Variants in PTPRN2 observed in about 807,000 individuals in gnomAD.
PTPRN2 encodes the protein protein tyrosine phosphatase receptor type N2.
In PTPRN2, 74 loss-of-function variants were observed where a neutral mutation model predicts 118.8. That is an observed-to-expected ratio of 0.62 (90% CI 0.52 to 0.76). The LOEUF is 0.76. Among genes scored for constraint, PTPRN2 ranks in the 30% least tolerant of loss-of-function variants. PTPRN2 has a pLI of 0.00. For missense variants in PTPRN2, 1,481 were observed against 1,394.4 expected, an observed-to-expected ratio of 1.06 and a Z score of -0.99; for synonymous variants, 641 against 608.0, an observed-to-expected ratio of 1.05 and a Z score of -0.80.
intron 11 of PTPRN2, among the ~76,000 whole-genome samples, chr7:158,073,050 A>G (rs1812061215): frequency 6.6e-6 from 1 of 152,114 alleles, no homozygotes; most frequent in African/African-American, 2.4e-5. Flanking sequence ...GACAGAGGGC[A>G]GTGGCTCGGC....
intron 1 of PTPRN2, among the ~76,000 whole-genome samples, chr7:158,491,570 ACCTCTGCCTCCCAGGTTCAAGCAATC>A (rs1260276147): frequency 6.6e-6 from 1 of 151,676 alleles, no homozygotes; most frequent in Non-Finnish European, 1.5e-5. Flanking sequence ...GCTCACTGCG[ACCTCTGCCTCCCAGGTTCAAGCAATC>A]CCCCTGCCTC....
At chr7:157,968,419 C>A (rs1248584394) in intron 11 of PTPRN2, among the ~76,000 whole-genome samples, 1 of 152,128 alleles carries the variant, frequency 6.6e-6, no homozygotes, top group African/African-American at 2.4e-5. Context: ...AGCCTTCCAT[C>A]AATCTGTTCA....
intron 3 of PTPRN2, among the ~76,000 whole-genome samples, chr7:158,235,710 A>T (rs963094205): frequency 6.6e-6 from 1 of 152,216 alleles, no homozygotes; most frequent in Non-Finnish European, 1.5e-5. Flanking sequence ...TAATGTATGT[A>T]TGTTTCAAAT....
chr7:157,720,727 C>T (rs1799186890), intron 12 of PTPRN2, among the ~76,000 whole-genome samples: 1 of 152,182 alleles, frequency 6.6e-6, no homozygotes, highest in African/African-American at 2.4e-5. Flanking sequence ...GGTGAGCGTG[C>T]CTCACTCTTT....
At chr7:158,091,130 A>T (rs528428249) in intron 10 of PTPRN2, among the ~76,000 whole-genome samples, 39 of 152,250 alleles carry the variant, frequency 2.6e-4, no homozygotes, top group Admixed American at 5.2e-4. Flanking sequence ...GTCGATACAT[A>T]ACACAGGCTT....
intron 12 of PTPRN2, among the ~76,000 whole-genome samples, chr7:157,735,170 G>A (rs887485107): frequency 6.6e-6 from 1 of 152,206 alleles, no homozygotes; most frequent in African/African-American, 2.4e-5. Context: ...TGGTTCGGCC[G>A]GCGAAGCTCC....
chr7:157,728,812 C>T (rs1406617466), intron 12 of PTPRN2, among the ~76,000 whole-genome samples: 2 of 152,348 alleles, frequency 1.3e-5, no homozygotes, highest in Non-Finnish European at 2.9e-5. Context: ...AATTCCCAAT[C>T]CCAGACCAGA....
intron 3 of PTPRN2, among the ~76,000 whole-genome samples, chr7:158,292,060 G>C (rs1053260325): frequency 2.0e-5 from 3 of 152,286 alleles, no homozygotes; most frequent in Middle Eastern, 6.8e-3. Context: ...TTTTAGTGAG[G>C]CTTAAGACAA....
rs79945402 is a variant in PTPRN2, at chr7:158,125,853, C to G, written c.1556+7824G>C. Among the ~76,000 whole-genome samples, 7 of 152,248 alleles carry G rather than the reference C, an allele frequency of 4.6e-5. No individual in the cohort carries two copies. The East Asian group carries it at 1.2e-3, about 25-fold the overall frequency. ...TTTCCTTTACTCTAACAAGGAAGGA[C>G]GAGCAGGAAGCATCAGTCCGGACCT... is the stretch of plus-strand genomic sequence containing the variant. On this transcript the variant is annotated intron_variant, in intron 9 of 22. Coordinates refer to ENST00000389418, the MANE Select transcript of PTPRN2 (RefSeq NM_002847.5).
rs910765911 is a variant in PTPRN2 at position 157,779,348 on chromosome 7, C to T, written c.1789-96411G>A. On this transcript the variant is annotated intron_variant, in intron 12 of 22. Coordinates refer to ENST00000389418, the MANE Select transcript of PTPRN2 (RefSeq NM_002847.5). This position sits in a 1 kb window ranked among gnomAD's most constrained non-coding sequence, Gnocchi z 4.7. ...CTGAGGTGAAAGGTCACGTGCTGGT[C>T]GCTTGTGCTGAGCAAGGCCTTGCTT... 1.5e-4 allele frequency among the ~76,000 whole-genome samples: 23 copies of T among 152,148 alleles called. No individual in the cohort carries two copies. In the East Asian group the frequency reaches 4.4e-3, roughly 29 times the overall value.
chr7:157,998,185 G>A (rs1003114569), intron 11 of PTPRN2, among the ~76,000 whole-genome samples: 3 of 152,010 alleles, frequency 2.0e-5, no homozygotes, highest in African/African-American at 7.3e-5. Flanking sequence ...GAGGCCCAGG[G>A]CCCGGGCTGC....
intron 21 of PTPRN2, among the ~76,000 whole-genome samples, chr7:157,558,098 G>GTTTTTTTTGTT (rs1554491517): frequency 7.2e-6 from 1 of 138,130 alleles, no homozygotes; most frequent in African/African-American, 2.7e-5. Context: ...AGGGGGGATT[G>GTTTTTTTTGTT]TTAAAAGGGA....
At chr7:158,347,906 T>C (rs879379431) in intron 2 of PTPRN2, among the ~76,000 whole-genome samples, 32 of 152,294 alleles carry the variant, frequency 2.1e-4, no homozygotes, top group Admixed American at 2.0e-3. Context: ...GGTTGTGGCA[T>C]TTGCTTGTCA....
chr7:158,251,765 C>T (rs1169127402), intron 3 of PTPRN2, among the ~76,000 whole-genome samples: 2 of 152,030 alleles, frequency 1.3e-5, no homozygotes, highest in African/African-American at 4.8e-5. Flanking sequence ...ATATGGTGCA[C>T]GTATGCATGT....
chr7:158,160,772 GT>G (rs528464791), intron 6 of PTPRN2, among the ~76,000 whole-genome samples: 23 of 152,140 alleles, frequency 1.5e-4, no homozygotes, highest in Non-Finnish European at 2.5e-4. Context: ...CATAAACACA[GT>G]TCATCTGCTC....
At chr7:158,098,303 C>CGGGG (rs547342541) in intron 10 of PTPRN2, among the ~76,000 whole-genome samples, 1 of 152,052 alleles carries the variant, frequency 6.6e-6, no homozygotes, top group Non-Finnish European at 1.5e-5. Context: ...GTGAGGCCAC[C>CGGGG]GGGGGGGCTC....
At position 158,570,174 on chromosome 7, in the gene PTPRN2, C is replaced by A. The variant is rs1827927061; in HGVS notation, c.112+17384G>T. ...ACCCCTGCAGGCCGACCTGGGCAGCCAGGCGGGGAGCGCGCAGCCACAGCC... is the reference window on the plus strand; with the variant it reads ...ACCCCTGCAGGCCGACCTGGGCAGCAAGGCGGGGAGCGCGCAGCCACAGCC... On this transcript the variant is annotated intron_variant, in intron 1 of 22. Transcript: ENST00000389418. The surrounding 1 kb of genome is among the most constrained non-coding windows in gnomAD (Gnocchi z 4.5). Among the ~76,000 whole-genome samples the A allele has an allele frequency of 6.6e-6, 1 of 152,176 alleles. No individual in the cohort carries two copies. The highest frequency in any genetic ancestry group is 2.4e-5 in the African/African-American group (1 of 41,460).
chr7:158,578,951 C>T (rs1187444789), intron 1 of PTPRN2, among the ~76,000 whole-genome samples: 4 of 152,034 alleles, frequency 2.6e-5, no homozygotes, highest in African/African-American at 4.8e-5. Flanking sequence ...TTAGTAGAGA[C>T]GGGGTTTCAC....
chr7:157,920,217 T>C (rs1361447061), intron 11 of PTPRN2, among the ~76,000 whole-genome samples: 2 of 152,146 alleles, frequency 1.3e-5, no homozygotes, highest in African/African-American at 4.8e-5. Context: ...ATTACTAACC[T>C]GGCTAAGAAT....
Sources: gnomAD v4.1 joint callset for allele counts (sites outside exome capture counted in the v4.1 genomes callset) on GRCh38, gnomAD v4.1.1 for gene constraint, Gnocchi (gnomAD v3.1) non-coding constraint, MANE v1.5 for transcripts, NCBI Gene and HGNC (gene_info 2026-07-23, HGNC 2026-07-21) for gene names.